The following RARB variants were observed in gnomAD, a reference collection of about 807,000 sequenced individuals.
The protein encoded by RARB is retinoic acid receptor beta, also known as HBV-activated protein.
Under a neutral mutation model 51.9 loss-of-function variants are expected in RARB, and 17 were observed. That is an observed-to-expected ratio of 0.33 (90% CI 0.22 to 0.49). The LOEUF (loss-of-function observed/expected upper bound fraction) is 0.49, where lower values mean the gene tolerates loss of function less well. Among genes scored for constraint, RARB ranks in the 20% least tolerant of loss-of-function variants. The pLI is 0.99. For missense variants in RARB, 369 were observed against 550.8 expected (o/e 0.67, Z 3.30); for synonymous variants, 215 against 195.4 (o/e 1.10, Z -0.84).
At chr3:25,078,113 TG>T (rs1369091127) in intron 3 of RARB, among the ~76,000 whole-genome samples, 3 of 152,188 alleles carry the variant, frequency 2.0e-5, no homozygotes, top group Non-Finnish European at 2.9e-5. Context: ...ATTTTGTTGA[TG>T]TTTTTTGAGA....
chr3:25,406,579 A>G (rs1707414944), intron 5 of RARB, among the ~76,000 whole-genome samples: 1 of 152,204 alleles, frequency 6.6e-6, no homozygotes, highest in African/African-American at 2.4e-5. Flanking sequence ...ATCTGGTCAT[A>G]TTGGATTAGG....
intron 1 of RARB, among the ~76,000 whole-genome samples, chr3:25,445,298 C>T (rs1708880564): frequency 6.6e-6 from 1 of 152,158 alleles, no homozygotes; most frequent in South Asian, 2.1e-4. Context: ...TTAAAATAAG[C>T]ATGACCAGTT....
intron 5 of RARB, among the ~76,000 whole-genome samples, chr3:25,331,657 T>C (rs1057360847): frequency 1.1e-4 from 16 of 151,544 alleles, no homozygotes; most frequent in East Asian, 3.9e-4. Flanking sequence ...TAGCAGAAGG[T>C]AAGAAATAAC....
intron 3 of RARB, among the ~76,000 whole-genome samples, chr3:25,100,385 G>C (rs1031038402): frequency 6.6e-6 from 1 of 152,164 alleles, no homozygotes; most frequent in Non-Finnish European, 1.5e-5. Context: ...CCAGGAAGAA[G>C]TGTGTTCTAG....
chr3:24,868,279 C>G (rs540489880), intron 2 of RARB, among the ~76,000 whole-genome samples: 21 of 152,200 alleles, frequency 1.4e-4, no homozygotes, highest in South Asian at 2.1e-4. Flanking sequence ...ATGTAATACA[C>G]AACAAGAATA....
chr3:25,524,489 A>G (rs1412642194), intron 3 of RARB, among the ~76,000 whole-genome samples: 1 of 152,274 alleles, frequency 6.6e-6, no homozygotes, highest in East Asian at 1.9e-4. Flanking sequence ...CCATCTTGGT[A>G]GAATAAAGAT....
chr3:25,445,592 A>T (rs1038607623), intron 1 of RARB, among the ~76,000 whole-genome samples: 2 of 152,100 alleles, frequency 1.3e-5, no homozygotes, highest in African/African-American at 4.8e-5. Flanking sequence ...GCTTGAGCCC[A>T]GGAGGCAGGG....
chr3:25,382,685 A>G (rs892175730), intron 5 of RARB, among the ~76,000 whole-genome samples: 1 of 152,072 alleles, frequency 6.6e-6, no homozygotes, highest in Non-Finnish European at 1.5e-5. Flanking sequence ...GTGAAGCCCC[A>G]TCTCTACTAA....
At chr3:24,883,356 TTGTG>T (rs3057218) in intron 2 of RARB, among the ~76,000 whole-genome samples, 8,890 of 143,682 alleles carry the variant, frequency 0.062, 277 homozygotes, top group East Asian at 0.13. Flanking sequence ...TCAACAATCA[TTGTG>T]TGTGTGTGTG....
chr3:25,135,852 G>A (rs1407199156), intron 4 of RARB, among the ~76,000 whole-genome samples: 2 of 151,944 alleles, frequency 1.3e-5, no homozygotes, highest in Admixed American at 1.3e-4. Context: ...GCAAACTCCA[G>A]AGAATGTCAC....
chr3:24,885,937 C>A (rs1413634936), intron 2 of RARB, among the ~76,000 whole-genome samples: 1 of 151,792 alleles, frequency 6.6e-6, no homozygotes. Flanking sequence ...TATATGCCAC[C>A]TACTCATATA....
At chr3:25,016,189 G>A (rs905929831) in intron 2 of RARB, among the ~76,000 whole-genome samples, 1 of 152,170 alleles carries the variant, frequency 6.6e-6, no homozygotes, top group Non-Finnish European at 1.5e-5. Context: ...AGCCTGTAGA[G>A]CACACTGTAC....
chr3:24,849,121 A>G lies in RARB; in HGVS notation c.-458-9553A>G, dbSNP rs188997871. 3.5e-3 allele frequency among the ~76,000 whole-genome samples: 526 copies of G among 152,332 alleles called. 4 individuals are homozygous for G. The highest frequency in any genetic ancestry group is 0.012 in the African/African-American group (507 of 41,572). On this transcript the variant is annotated intron_variant, in intron 1 of 11. Coordinates refer to the RARB transcript ENST00000383772. ...CTCTATATATATTATGTTTTTTCCT[A>G]TACATACATGATAAAGTTTATGACG...
intron 3 of RARB, among the ~76,000 whole-genome samples, chr3:25,116,877 G>T (rs1336085399): frequency 6.6e-6 from 1 of 152,072 alleles, no homozygotes; most frequent in Admixed American, 6.6e-5. Flanking sequence ...GACTAGGAAT[G>T]ATATGTTGTG....
chr3:25,253,549 C>G (rs544973672), intron 5 of RARB, among the ~76,000 whole-genome samples: 1 of 151,968 alleles, frequency 6.6e-6, no homozygotes, highest in Admixed American at 6.6e-5. Context: ...TTATATATTG[C>G]CTGGGTATAG....
At chr3:24,902,275 A>G (rs1350681892) in intron 2 of RARB, among the ~76,000 whole-genome samples, 1 of 152,188 alleles carries the variant, frequency 6.6e-6, no homozygotes, top group Non-Finnish European at 1.5e-5. Flanking sequence ...GGTTAAGTAC[A>G]TATGTGGCAT....
chr3:25,196,613 A>G (rs1294758878), intron 5 of RARB, among the ~76,000 whole-genome samples: 1 of 152,128 alleles, frequency 6.6e-6, no homozygotes. Flanking sequence ...GTCAAATGGT[A>G]TTACTAGTTC....
chr3:25,021,069 T>C (rs1160954335), intron 2 of RARB, among the ~76,000 whole-genome samples: 1 of 152,254 alleles, frequency 6.6e-6, no homozygotes, highest in Non-Finnish European at 1.5e-5. Flanking sequence ...TGATGTATTC[T>C]GAAAAATTAT....
intron 2 of RARB, among the ~76,000 whole-genome samples, chr3:24,950,245 GTTTCA>G (rs1695859976): frequency 6.6e-6 from 1 of 152,084 alleles, no homozygotes; most frequent in Admixed American, 6.6e-5. Context: ...TCTCGAAACA[GTTTCA>G]TTTCTTCATT....
Sources: gnomAD v4.1 joint callset for allele counts (sites outside exome capture counted in the v4.1 genomes callset) on GRCh38, gnomAD v4.1.1 for gene constraint, MANE v1.5 for transcripts, NCBI Gene and HGNC (gene_info 2026-07-23, HGNC 2026-07-21) for gene names.